The following GLRX3 variants were observed in gnomAD, a reference collection of about 807,000 sequenced individuals.
GLRX3 encodes glutaredoxin 3.
In GLRX3, 22 loss-of-function variants were observed where a neutral mutation model predicts 49.5. The observed-to-expected ratio is 0.44, with a 90% CI of 0.32 to 0.63. GLRX3 has a LOEUF of 0.63. GLRX3 is among the 30% of genes least tolerant of loss of function. GLRX3 has a pLI of 0.05. For missense variants in GLRX3, 385 were observed against 396.3 expected (o/e 0.97, Z 0.24); for synonymous variants, 133 against 140.0 (o/e 0.95, Z 0.35).
chr10:130,138,847 G>GTT (rs61152449), intron 1 of GLRX3, among the ~76,000 whole-genome samples: 21,983 of 94,954 alleles, frequency 0.23, 642 homozygotes, highest in Middle Eastern at 0.26. Context: ...GAATAAAAGT[G>GTT]TTTTTTTTTT....
intron 2 of GLRX3, among the ~76,000 whole-genome samples, chr10:130,154,620 T>G (rs912328597): frequency 6.6e-6 from 1 of 152,094 alleles, no homozygotes; most frequent in Non-Finnish European, 1.5e-5. Flanking sequence ...CTTTTGGAGG[T>G]TTAGCCAAAT....
intron 8 of GLRX3, among the ~76,000 whole-genome samples, chr10:130,174,217 T>C (rs1204317618): frequency 6.6e-6 from 1 of 152,230 alleles, no homozygotes. Flanking sequence ...AGCATGTCTC[T>C]TGCTAAGGTG....
chr10:130,170,224 T>C (rs1862777948), intron 7 of GLRX3, among the ~76,000 whole-genome samples: 2 of 152,310 alleles, frequency 1.3e-5, no homozygotes, highest in South Asian at 4.1e-4. Flanking sequence ...GGACAGACTT[T>C]GGCCTGTTTT....
chr10:130,178,239 A>G (rs1052856965), intron 10 of GLRX3, among the ~76,000 whole-genome samples: 1 of 151,930 alleles, frequency 6.6e-6, no homozygotes, highest in Non-Finnish European at 1.5e-5. Context: ...TTAACGTCAC[A>G]CTGCTTTTTT....
intron 3 of GLRX3, 89 bp downstream of exon 3, chr10:130,160,158 G>A (rs1013563): frequency 0.21 from 162,866 of 759,318 alleles, 18,785 homozygotes; most frequent in Admixed American, 0.31. Context: ...TCTAATCCCC[G>A]AATATTAGGT....
At chr10:130,156,502 T>C (rs1862473346) in intron 2 of GLRX3, among the ~76,000 whole-genome samples, 1 of 152,178 alleles carries the variant, frequency 6.6e-6, no homozygotes, top group Non-Finnish European at 1.5e-5. Flanking sequence ...TTCTGTAAAA[T>C]GGATGTTAAA....
At chr10:130,143,919 G>A (rs896301789) in intron 1 of GLRX3, among the ~76,000 whole-genome samples, 23 of 152,140 alleles carry the variant, frequency 1.5e-4, no homozygotes, top group Admixed American at 1.3e-3. Context: ...GGCTGGTCTC[G>A]AACTGCCGAC....
At chr10:130,177,937 C>G (rs1862954532) in intron 10 of GLRX3, among the ~76,000 whole-genome samples, 1 of 152,148 alleles carries the variant, frequency 6.6e-6, no homozygotes, top group African/African-American at 2.4e-5. Context: ...TTTATCATGT[C>G]TGTCCTTTCA....
intron 4 of GLRX3, among the ~76,000 whole-genome samples, chr10:130,162,501 A>G (rs16910151): frequency 0.051 from 7,838 of 152,256 alleles, 419 homozygotes; most frequent in African/African-American, 0.13. Flanking sequence ...TATTTCTTGT[A>G]CTTTGTGCGG....
Position 130,171,606 on chromosome 10 carries a change from A to G in GLRX3, c.794A>G (p.Lys265Arg). 1 of 1,560,618 alleles carries G rather than the reference A, an allele frequency of 6.4e-7. No homozygotes were observed. Among genetic ancestry groups the G allele is most frequent in the South Asian group, 1.1e-5 (1 of 90,014 alleles). Residue 265 changes from lysine to arginine, a missense_variant, in exon 8 of 11, where the codon AAA (lysine) becomes AGA (arginine). Physicochemically the swap from Lys to Arg is conservative, Grantham distance 26. Around this residue, in one of 2 missense-constraint regions of GLRX3, gnomAD observed 374 missense variants for 358.6 expected, o/e 1.04. Transcript: ENST00000331244. ...TAGGAAGCAAAATGTGGATTCAGCA[A>G]ACAAATTCTGGAAATACTAAATAGT... is the stretch of plus-strand genomic sequence containing the variant. ...NKQEAKCGFSKQILEILNSTG... is the reference protein window; with the variant it reads ...NKQEAKCGFSRQILEILNSTG...
intron 4 of GLRX3, 90 bp downstream of exon 4, chr10:130,161,087 GC>G (rs1265953433): frequency 1.2e-6 from 1 of 833,646 alleles, no homozygotes; most frequent in African/African-American, 1.7e-5. Context: ...TTCCAAGGAT[GC>G]TATACCATAC....
In GLRX3 at chr10:130,175,001, G is replaced by A. The variant is rs370646206; in HGVS notation, c.869G>A (p.Arg290Gln). The stretch of plus-strand genomic sequence containing the variant: ...GGATTCCTGTTGTTTCTTTAGGTTC[G>A]GCAAGGATTAAAAGCTTACTCAAAT... ...TFDILEDEEV[R>Q]QGLKAYSNWP... The change falls in exon 10 of 11, where the codon CGG becomes CAG. Residue 290 changes from arginine to glutamine, a missense_variant. Transcript: ENST00000331244. The A allele has an allele frequency of 3.7e-6, 6 of 1,605,908 alleles. No individual in the cohort carries two copies. The highest frequency in any genetic ancestry group is 3.3e-4 in the Middle Eastern group (2 of 6,052).
intron 4 of GLRX3, among the ~76,000 whole-genome samples, chr10:130,162,477 T>C (rs976689031): frequency 6.6e-6 from 1 of 152,238 alleles, no homozygotes; most frequent in African/African-American, 2.4e-5. Context: ...CCTTCTTCCA[T>C]GAAACATGAA....
chr10:130,150,265 A>G (rs72838207), intron 2 of GLRX3, among the ~76,000 whole-genome samples: 32,486 of 150,988 alleles, frequency 0.22, 3,831 homozygotes, highest in South Asian at 0.3. Context: ...AGAAAGAAAG[A>G]AAAAGAAAAA....
intron 4 of GLRX3, among the ~76,000 whole-genome samples, chr10:130,161,711 T>C (rs1359379372): frequency 6.6e-6 from 1 of 152,236 alleles, no homozygotes; most frequent in East Asian, 1.9e-4. Context: ...ACAACATTAG[T>C]ATGCTGCATA....
chr10:130,166,841 A>G (rs1014430115), intron 5 of GLRX3, 78 bp from the exon 6 acceptor site: 6 of 1,013,282 alleles, frequency 5.9e-6, no homozygotes, highest in Non-Finnish European at 9.2e-6. Flanking sequence ...TTGATCAATA[A>G]TCTGTGTTAT....
intron 6 of GLRX3, among the ~76,000 whole-genome samples, chr10:130,168,118 G>A (rs1862729519): frequency 6.6e-6 from 1 of 152,182 alleles, no homozygotes; most frequent in African/African-American, 2.4e-5. Flanking sequence ...ATCTGTGCTT[G>A]CAGACACCAA....
chr10:130,136,457 G>A lies in GLRX3; in HGVS notation c.37G>A (p.Val13Met). ...AGAAEAAVAA[V>M]EEVGSAGQFE... ...GGCGGCTGAGGCAGCTGTAGCGGCC[G>A]TGGAGGAGGTCGGCTCAGCCGGGCA... is the stretch of plus-strand genomic sequence containing the variant. Residue 13 changes from valine (V) to methionine (M), a missense_variant, in exon 1 of 11, where the codon GTG becomes ATG. Coordinates refer to ENST00000331244, the MANE Select transcript of GLRX3 (RefSeq NM_006541.5). 7.9e-7 allele frequency: 1 copy of A among 1,264,858 alleles called. No homozygotes were observed. Among genetic ancestry groups the A allele is most frequent in the Admixed American group, 4.0e-5 (1 of 24,834 alleles). The allele number at this position is 1,264,858 out of a possible 1,614,324, so 78.4% of individuals were successfully genotyped here. A position where few individuals can be genotyped will look rare whatever the true frequency, so the allele number is the denominator to read the frequency against.
At chr10:130,144,136 GTC>G (rs1862225667) in intron 1 of GLRX3, among the ~76,000 whole-genome samples, 2 of 152,156 alleles carry the variant, frequency 1.3e-5, no homozygotes, top group South Asian at 4.1e-4. Flanking sequence ...TCACGGTTAT[GTC>G]TCTCCATCAC....
Sources: gnomAD v4.1 joint callset for allele counts (sites outside exome capture counted in the v4.1 genomes callset) on GRCh38, gnomAD v4.1.1 for gene constraint, gnomAD v4.1.1 regional missense constraint, MANE v1.5 for transcripts, NCBI Gene and HGNC (gene_info 2026-07-23, HGNC 2026-07-21) for gene names.